DIP2C: variants seen among roughly 807,000 people sequenced by gnomAD.
DIP2C encodes DIP2 acetate--CoA ligase C (putative).
A neutral mutation model predicts 192.4 loss-of-function variants in DIP2C; 33 were observed. The observed-to-expected ratio is 0.17, with a 90% CI of 0.13 to 0.23. The LOEUF is 0.23. Ranked by LOEUF, DIP2C falls within the 10% of genes least tolerant of loss-of-function variation. The pLI is 1.00. For synonymous variants in DIP2C, 979 were observed against 864.1 expected, an observed-to-expected ratio of 1.13 and a Z score of -2.33; for missense variants, 1,537 against 2,110.1, an observed-to-expected ratio of 0.73 and a Z score of 5.32.
intron 1 of DIP2C, among the ~76,000 whole-genome samples, chr10:532,315 G>A (rs1047054702): frequency 2.6e-5 from 4 of 152,050 alleles, no homozygotes; most frequent in African/African-American, 9.7e-5. Context: ...GGCTTCTAAG[G>A]CCCTTAAGCC....
At chr10:349,051 ATTAAGTGAATT>A (rs1958659904) in intron 25 of DIP2C, among the ~76,000 whole-genome samples, 1 of 152,276 alleles carries the variant, frequency 6.6e-6, no homozygotes, top group South Asian at 2.1e-4. Flanking sequence ...TTTAGGTACT[ATTAAGTGAATT>A]ACCTGAGGTA....
intron 13 of DIP2C, among the ~76,000 whole-genome samples, 167 bp downstream of exon 13, chr10:389,824 C>G (rs1475715016): frequency 6.6e-6 from 1 of 152,268 alleles, no homozygotes; most frequent in African/African-American, 2.4e-5. Flanking sequence ...GTAGTATTTG[C>G]TATGGTAGGC....
intron 3 of DIP2C, among the ~76,000 whole-genome samples, chr10:470,234 T>C (rs999018659): frequency 1.2e-4 from 18 of 152,116 alleles, no homozygotes; most frequent in Admixed American, 5.9e-4. Context: ...GATGGAGACA[T>C]GAGTCAGGAT....
intron 1 of DIP2C, among the ~76,000 whole-genome samples, chr10:521,971 A>G (rs1446968244): frequency 6.6e-6 from 1 of 151,270 alleles, no homozygotes; most frequent in Admixed American, 6.6e-5. Flanking sequence ...ACGAGGTCTC[A>G]GCCTGCTGCT....
intron 1 of DIP2C, among the ~76,000 whole-genome samples, chr10:613,264 G>A (rs766464547): frequency 2.0e-5 from 3 of 152,216 alleles, no homozygotes; most frequent in Non-Finnish European, 4.4e-5. Flanking sequence ...GAGGACGCTC[G>A]GACAGTCCCT....
intron 29 of DIP2C, among the ~76,000 whole-genome samples, chr10:332,351 T>G (rs1957543769): frequency 6.6e-6 from 1 of 152,218 alleles, no homozygotes; most frequent in Non-Finnish European, 1.5e-5. Flanking sequence ...CCAGAGAATT[T>G]CAAATATACT....
Position 419,204 on chromosome 10 carries a change from AAAG to A in DIP2C, c.605-8_605-6del, listed in dbSNP as rs769205797. 2 of 1,614,188 alleles carry A rather than the reference AAAG, an allele frequency of 1.2e-6. No homozygotes were observed. The highest frequency in any genetic ancestry group is 1.7e-6 in the Non-Finnish European group (2 of 1,180,020). ...CAGGAGGTGCAGAATGATTTTCTGT[AAAG>A]AAACACATCATGAGATTTTCTGGTG... On this transcript the variant is annotated splice_polypyrimidine_tract_variant and splice_region_variant and intron_variant, in intron 5 of 36. Transcript: ENST00000280886.
chr10:525,688 C>A (rs923277311), intron 1 of DIP2C, among the ~76,000 whole-genome samples: 1 of 152,132 alleles, frequency 6.6e-6, no homozygotes, highest in Non-Finnish European at 1.5e-5. Context: ...TTGAATGCTT[C>A]GTAGGTGGAG....
intron 1 of DIP2C, among the ~76,000 whole-genome samples, chr10:568,467 C>CG (rs1564207813): frequency 1.3e-5 from 2 of 152,048 alleles, no homozygotes; most frequent in African/African-American, 4.8e-5. Flanking sequence ...AACAAGCTTT[C>CG]GGAAAAAACT....
intron 1 of DIP2C, among the ~76,000 whole-genome samples, chr10:513,753 G>A (rs1388858600): frequency 5.3e-5 from 8 of 152,100 alleles, no homozygotes; most frequent in Middle Eastern, 3.4e-3. Flanking sequence ...GTTAGCTCAC[G>A]ATTGTAACTG....
chr10:583,630 CTG>C (rs150446259), intron 1 of DIP2C, among the ~76,000 whole-genome samples: 4 of 152,354 alleles, frequency 2.6e-5, no homozygotes, highest in East Asian at 1.9e-4. Context: ...GCTCCCGAGA[CTG>C]TGCTGAAACC....
chr10:315,413 G>A (rs1589454472), intron 31 of DIP2C, among the ~76,000 whole-genome samples: 1 of 152,168 alleles, frequency 6.6e-6, no homozygotes, highest in East Asian at 1.9e-4. Flanking sequence ...ACACGTATTT[G>A]CTGAACGATT....
At chr10:579,010 T>C (rs1054213236) in intron 1 of DIP2C, among the ~76,000 whole-genome samples, 4 of 151,944 alleles carry the variant, frequency 2.6e-5, no homozygotes, top group Admixed American at 6.5e-5. Flanking sequence ...ATAACGTGTA[T>C]GTGGTAGAGC....
chr10:455,414 G>A (rs1969220703), intron 3 of DIP2C, among the ~76,000 whole-genome samples: 2 of 105,998 alleles, frequency 1.9e-5, no homozygotes, highest in Admixed American at 9.0e-5. Flanking sequence ...AAAACACTCT[G>A]CAGTGAGTCC....
chr10:657,982 C>A (rs1300286138), intron 1 of DIP2C, among the ~76,000 whole-genome samples: 12 of 134,314 alleles, frequency 8.9e-5, no homozygotes, highest in South Asian at 2.5e-4. Context: ...GCTGGACCTG[C>A]CGCTGGACCT....
At chr10:585,256 G>A (rs1432205025) in intron 1 of DIP2C, among the ~76,000 whole-genome samples, 1 of 152,194 alleles carries the variant, frequency 6.6e-6, no homozygotes, top group East Asian at 1.9e-4. Flanking sequence ...ACGCCACCCT[G>A]TTTTTCTCTC....
At chr10:388,905 G>A (rs1048011589) in intron 13 of DIP2C, among the ~76,000 whole-genome samples, 4 of 152,022 alleles carry the variant, frequency 2.6e-5, no homozygotes, top group Admixed American at 6.5e-5. Context: ...GTCTCCGGAG[G>A]GGGTCTCAAG....
chr10:413,222 AAG>A (rs1403414671), intron 8 of DIP2C, among the ~76,000 whole-genome samples: 1 of 152,300 alleles, frequency 6.6e-6, no homozygotes, highest in East Asian at 1.9e-4. Flanking sequence ...CCACAGAAAA[AAG>A]AGAAACGCAC....
At chr10:564,883 C>A (rs578004479) in intron 1 of DIP2C, among the ~76,000 whole-genome samples, 1 of 152,334 alleles carries the variant, frequency 6.6e-6, no homozygotes, top group Non-Finnish European at 1.5e-5. Context: ...AGAAGACTCA[C>A]ACACACAGTA....
Sources: gnomAD v4.1 joint callset for allele counts (sites outside exome capture counted in the v4.1 genomes callset) on GRCh38, gnomAD v4.1.1 for gene constraint, MANE v1.5 for transcripts, NCBI Gene and HGNC (gene_info 2026-07-23, HGNC 2026-07-21) for gene names.